Variants in CSRNP3 observed in about 807,000 individuals in gnomAD.
CSRNP3 encodes the protein cysteine and serine rich nuclear protein 3, also known as cysteine/serine-rich nuclear protein 3.
In CSRNP3, 12 loss-of-function variants were observed where a neutral mutation model predicts 48.0. That is an observed-to-expected ratio of 0.25 (90% CI 0.16 to 0.41). CSRNP3 has a LOEUF of 0.41. CSRNP3 is among the 10% of genes least tolerant of loss of function. CSRNP3 has a pLI of 1.00. For missense variants in CSRNP3, 580 were observed against 724.4 expected, an observed-to-expected ratio of 0.80 and a Z score of 2.29; for synonymous variants, 263 against 269.7, an observed-to-expected ratio of 0.98 and a Z score of 0.24.
intron 1 of CSRNP3, among the ~76,000 whole-genome samples, chr2:165,478,709 T>A (rs1288733043): frequency 6.6e-6 from 1 of 152,172 alleles, no homozygotes; most frequent in African/African-American, 2.4e-5. Flanking sequence ...ATAGAAGGGG[T>A]GTAGCATGAC....
In CSRNP3 at chr2:165,679,968, T is replaced by C; in HGVS notation, c.*215T>C. 1.5e-6 allele frequency: 1 copy of C among 652,236 alleles called. No individual in the cohort carries two copies. Among genetic ancestry groups the C allele is most frequent in the Non-Finnish European group, 2.4e-6 (1 of 409,748 alleles). 40.4% of individuals were successfully genotyped at this position (652,236 alleles called of 1,614,324 possible). ...GGATTTTAAAAGATTTCAGACTGTT[T>C]TGATAGAAAAAGCTAAATTTTAAAA... On this transcript the variant is annotated 3_prime_UTR_variant, in exon 7 of 7. Coordinates refer to ENST00000651982, the MANE Select transcript of CSRNP3 (RefSeq NM_001172173.2).
rs73969301 is a variant in CSRNP3, at chr2:165,570,286, A to T, written c.-23-24757A>T. Among the ~76,000 whole-genome samples, 325 of 152,144 alleles carry T rather than the reference A, an allele frequency of 2.1e-3. 2 individuals are homozygous for T. The highest frequency in any genetic ancestry group is 7.4e-3 in the African/African-American group (308 of 41,562). ...CCTTTAAATATCTTTTTCAACATGA[A>T]TAAATTGTCAGCTTCTTATATTTAA... On this transcript the variant is annotated intron_variant, in intron 3 of 6. Coordinates refer to ENST00000651982, the MANE Select transcript of CSRNP3 (RefSeq NM_001172173.2).
intron 4 of CSRNP3, among the ~76,000 whole-genome samples, chr2:165,595,617 A>T (rs1053412939): frequency 1.3e-5 from 2 of 152,106 alleles, no homozygotes; most frequent in Non-Finnish European, 2.9e-5. Flanking sequence ...GAGAGTCTAG[A>T]TTATGATGAG....
chr2:165,674,777 T>C (rs1287855969), intron 5 of CSRNP3, among the ~76,000 whole-genome samples: 1 of 149,192 alleles, frequency 6.7e-6, no homozygotes, highest in East Asian at 2.0e-4. Context: ...AGTGGTGCAA[T>C]CATGGCTCAC....
At chr2:165,505,078 A>C (rs550116328) in intron 2 of CSRNP3, among the ~76,000 whole-genome samples, 8 of 152,246 alleles carry the variant, frequency 5.3e-5, no homozygotes, top group African/African-American at 1.7e-4. Context: ...GAGACAGTAC[A>C]TCATTAAATG....
At chr2:165,677,546 C>T (rs941198214) in intron 6 of CSRNP3, among the ~76,000 whole-genome samples, 1 of 148,658 alleles carries the variant, frequency 6.7e-6, no homozygotes, top group South Asian at 2.1e-4. Context: ...ATCTGCTGAA[C>T]AGTTGCTTAA....
chr2:165,482,005 A>G (rs1457221060), intron 1 of CSRNP3, among the ~76,000 whole-genome samples: 5 of 152,148 alleles, frequency 3.3e-5, no homozygotes, highest in African/African-American at 4.8e-5. Context: ...AGATGGGACC[A>G]TGCATACACC....
At chr2:165,481,693 T>C (rs2105449090) in intron 1 of CSRNP3, among the ~76,000 whole-genome samples, 1 of 152,292 alleles carries the variant, frequency 6.6e-6, no homozygotes, top group African/African-American at 2.4e-5. Flanking sequence ...TTTTTAGCTC[T>C]AATACAAGGC....
chr2:165,567,106 GA>G (rs2105271378), intron 3 of CSRNP3: 1 of 152,088 alleles, frequency 6.6e-6, no homozygotes, highest in Admixed American at 6.6e-5. Flanking sequence ...AGGATTGATG[GA>G]AAAACCATCA....
chr2:165,608,932 T>TAAAAAAA (rs1419580411), intron 4 of CSRNP3, among the ~76,000 whole-genome samples: 1 of 19,948 alleles, frequency 5.0e-5, no homozygotes, highest in African/African-American at 2.0e-4. Flanking sequence ...CTACTAAAAA[T>TAAAAAAA]ACAAAAAAAA....
chr2:165,506,474 C>G (rs1323715401), intron 2 of CSRNP3, among the ~76,000 whole-genome samples: 1 of 152,080 alleles, frequency 6.6e-6, no homozygotes. Flanking sequence ...TCTCATGATT[C>G]AGGCCTTGTT....
chr2:165,681,979 A>T lies in CSRNP3; in HGVS notation c.*2226A>T, dbSNP rs1558974616. On this transcript the variant is annotated 3_prime_UTR_variant, in exon 7 of 7. Coordinates refer to ENST00000651982, the MANE Select transcript of CSRNP3 (RefSeq NM_001172173.2). Reference sequence around the variant, plus strand: ...TTCCTTCATTCAAGCACATGAAAGGATCATGTGTACTGTATTTGCTGGACC... The same window carrying T: ...TTCCTTCATTCAAGCACATGAAAGGTTCATGTGTACTGTATTTGCTGGACC... The T allele has an allele frequency of 6.6e-6, 1 of 151,484 alleles. No homozygotes were observed. The highest frequency in any genetic ancestry group is 1.5e-5 in the Non-Finnish European group (1 of 67,880). 9.4% of individuals were successfully genotyped at this position (151,484 alleles called of 1,614,324 possible). A position where few individuals can be genotyped will look rare whatever the true frequency, so the allele number is the denominator to read the frequency against.
In CSRNP3 at chr2:165,520,773, TA is replaced by T. The variant is rs1558923484; in HGVS notation, c.-24+2813del. Among the ~76,000 whole-genome samples the T allele has an allele frequency of 2.3e-3, 132 of 58,494 alleles. 1 individual carries two copies. Among genetic ancestry groups the T allele is most frequent in the African/African-American group, 8.5e-3 (127 of 14,982 alleles). 38.4% of individuals were successfully genotyped at this position (58,494 alleles called of 152,430 possible). A position where few individuals can be genotyped will look rare whatever the true frequency, so the allele number is the denominator to read the frequency against. ...TAAATAGATATATAGAAATATATTA[TA>T]TATATATATTATATATATATATATA... On this transcript the variant is annotated intron_variant, in intron 3 of 6. Transcript: ENST00000651982.
chr2:165,663,055 G>A (rs981244133), intron 5 of CSRNP3, among the ~76,000 whole-genome samples: 1 of 151,892 alleles, frequency 6.6e-6, no homozygotes, highest in African/African-American at 2.4e-5. Context: ...TGCCCATTTA[G>A]TGACTTACCA....
intron 3 of CSRNP3, among the ~76,000 whole-genome samples, chr2:165,522,694 T>C (rs541918330): frequency 3.2e-4 from 48 of 152,166 alleles, no homozygotes; most frequent in Non-Finnish European, 6.0e-4. Flanking sequence ...TCACTTCTTT[T>C]GCTTAGAATA....
chr2:165,545,020 C>A (rs1685006018), intron 3 of CSRNP3, among the ~76,000 whole-genome samples: 1 of 151,216 alleles, frequency 6.6e-6, no homozygotes, highest in Non-Finnish European at 1.5e-5. Context: ...GTATGGGCCA[C>A]AAATAAAGAG....
chr2:165,656,905 A>G (rs996074785), intron 4 of CSRNP3, among the ~76,000 whole-genome samples: 6 of 152,262 alleles, frequency 3.9e-5, no homozygotes, highest in African/African-American at 1.2e-4. Flanking sequence ...AGTTCAAAGG[A>G]TTAGAGGAAA....
intron 5 of CSRNP3, among the ~76,000 whole-genome samples, chr2:165,665,192 C>T (rs1035688549): frequency 6.6e-6 from 1 of 152,072 alleles, no homozygotes; most frequent in Non-Finnish European, 1.5e-5. Flanking sequence ...ACCATGACCC[C>T]CAGGGAGAAA....
At chr2:165,534,530 A>T (rs1403791275) in intron 3 of CSRNP3, among the ~76,000 whole-genome samples, 1 of 151,952 alleles carries the variant, frequency 6.6e-6, no homozygotes, top group Non-Finnish European at 1.5e-5. Context: ...AGAAGGACTC[A>T]TACAGGTGCA....
Sources: gnomAD v4.1 joint callset for allele counts (sites outside exome capture counted in the v4.1 genomes callset) on GRCh38, gnomAD v4.1.1 for gene constraint, MANE v1.5 for transcripts, NCBI Gene and HGNC (gene_info 2026-07-23, HGNC 2026-07-21) for gene names.